BBX: variants seen among roughly 807,000 people sequenced by gnomAD.
The protein encoded by BBX is HMG box transcription factor BBX.
A neutral mutation model predicts 100.2 loss-of-function variants in BBX; 30 were observed. The ratio of observed to expected loss-of-function variants is 0.30; its 90% CI spans 0.22 to 0.41. The LOEUF is 0.41. Among genes scored for constraint, BBX ranks in the 10% least tolerant of loss-of-function variants. The pLI is 1.00. For synonymous variants in BBX, 376 were observed against 388.1 expected (o/e 0.97, Z 0.37); for missense variants, 1,023 against 1,129.8 (o/e 0.91, Z 1.35).
Position 107,664,214 on chromosome 3 carries a change from A to C in BBX, c.-10+18305A>C, listed in dbSNP as rs1370329155. Among the ~76,000 whole-genome samples the C allele has an allele frequency of 2.0e-5, 3 of 152,146 alleles. No homozygotes were observed. The South Asian group carries it at 6.2e-4, about 32-fold the overall frequency. On this transcript the variant is annotated intron_variant, in intron 3 of 17. Transcript: ENST00000325805. Reference sequence around the variant, plus strand: ...CTCTTTATGTACATATTACTTCTTCAGGATATATGTTCAGGAGTTGAATTG... The same window carrying C: ...CTCTTTATGTACATATTACTTCTTCCGGATATATGTTCAGGAGTTGAATTG...
At chr3:107,696,326 T>C (rs11707625) in intron 3 of BBX, among the ~76,000 whole-genome samples, 36,141 of 151,662 alleles carry the variant, frequency 0.24, 5,240 homozygotes, top group Non-Finnish European at 0.32. Context: ...GATTTTGCAG[T>C]GGCTGGTACC....
At chr3:107,533,392 A>C (rs887127024) in intron 2 of BBX, among the ~76,000 whole-genome samples, 2 of 152,220 alleles carry the variant, frequency 1.3e-5, no homozygotes, top group Admixed American at 6.5e-5. Flanking sequence ...CCAGCTAACA[A>C]ATGATGAAAG....
chr3:107,753,809 C>T (rs949203994), intron 9 of BBX, among the ~76,000 whole-genome samples: 8 of 152,206 alleles, frequency 5.3e-5, no homozygotes, highest in African/African-American at 1.7e-4. Flanking sequence ...GATTATGTGA[C>T]AAATTTAGTG....
chr3:107,691,889 A>T (rs1338885184), intron 3 of BBX, among the ~76,000 whole-genome samples: 1 of 152,186 alleles, frequency 6.6e-6, no homozygotes, highest in Non-Finnish European at 1.5e-5. Context: ...ACACTATACT[A>T]CTTAAAATAA....
chr3:107,622,295 A>C (rs189884546), intron 2 of BBX, among the ~76,000 whole-genome samples: 267 of 152,284 alleles, frequency 1.8e-3, no homozygotes, highest in African/African-American at 6.1e-3. Flanking sequence ...TGTGCTTATC[A>C]GTAGTTCGTT....
intron 2 of BBX, among the ~76,000 whole-genome samples, chr3:107,533,154 G>A (rs941583849): frequency 2.6e-5 from 4 of 152,112 alleles, no homozygotes. Context: ...AGCTAGGAAT[G>A]TTATGTAATA....
At chr3:107,669,187 GATA>G (rs1261234973) in intron 3 of BBX, among the ~76,000 whole-genome samples, 4 of 152,232 alleles carry the variant, frequency 2.6e-5, no homozygotes, top group South Asian at 2.1e-4. Context: ...TATCATTTGA[GATA>G]ATAATAGAAT....
rs535853335 is a variant in BBX at position 107,614,431 on chromosome 3, A to C, written c.-83-31405A>C. ...TAGAAAGCTTCACCCCCACCCCCCCAAAAAAAATGGATGTCAAGTGACTAT... is the reference window on the plus strand; with the variant it reads ...TAGAAAGCTTCACCCCCACCCCCCCCAAAAAAATGGATGTCAAGTGACTAT... On this transcript the variant is annotated intron_variant, in intron 2 of 17. Coordinates refer to ENST00000325805, the MANE Select transcript of BBX (RefSeq NM_001142568.3). Among the ~76,000 whole-genome samples the C allele has an allele frequency of 1.6e-3, 234 of 149,234 alleles. 1 individual carries two copies. Among genetic ancestry groups the C allele is most frequent in the African/African-American group, 3.5e-3 (144 of 40,806 alleles).
intron 10 of BBX, among the ~76,000 whole-genome samples, chr3:107,767,984 CA>C (rs1442184556): frequency 6.6e-6 from 1 of 152,184 alleles, no homozygotes; most frequent in Non-Finnish European, 1.5e-5. Context: ...CAGTGCTCTC[CA>C]GATAAGTGCC....
At chr3:107,578,083 C>T (rs1276154682) in intron 2 of BBX, among the ~76,000 whole-genome samples, 1 of 152,200 alleles carries the variant, frequency 6.6e-6, no homozygotes, top group Non-Finnish European at 1.5e-5. Flanking sequence ...GGTTCTCCTA[C>T]CTAAGCAATT....
intron 15 of BBX, among the ~76,000 whole-genome samples, chr3:107,797,890 A>G (rs768390054): frequency 7.9e-5 from 12 of 152,210 alleles, no homozygotes; most frequent in Non-Finnish European, 1.8e-4. Context: ...ACTTCATTAA[A>G]TTATCTCACT....
intron 3 of BBX, among the ~76,000 whole-genome samples, chr3:107,679,547 A>G (rs2059465779): frequency 6.6e-6 from 1 of 152,194 alleles, no homozygotes; most frequent in Non-Finnish European, 1.5e-5. Flanking sequence ...ACAAAGATAA[A>G]TAAAATATCA....
In BBX at chr3:107,573,295, C is replaced by CA. The variant is rs576492063; in HGVS notation, c.-84+46898dup. ...TGTTTGTTGGCTGGGTGCGGTGGCT[C>CA]ACGTCTGTAATCCCAGCACTTTGGG... On this transcript the variant is annotated intron_variant, in intron 2 of 17. Transcript: ENST00000325805. 6.4e-4 allele frequency among the ~76,000 whole-genome samples: 98 copies of CA among 152,226 alleles called. 2 individuals carry two copies. In the East Asian group the frequency reaches 0.014, roughly 22 times the overall value.
chr3:107,801,244 G>A lies in BBX; in HGVS notation c.2701G>A (p.Ala901Thr), dbSNP rs757640848. ...PAVSAFFSLA[A>T]LAEVAAMENV... ...CGTGTCTGCGTTCTTTAGCCTCGCT[G>A]CGCTGGCTGAAGTGGCAGCCATGGA... is the stretch of plus-strand genomic sequence containing the variant. The change falls in exon 17 of 18, where the codon GCG becomes ACG. Residue 901 changes from alanine (A) to threonine (T), a missense_variant. Transcript: ENST00000325805. 1 of 1,614,174 alleles carries A rather than the reference G, an allele frequency of 6.2e-7. No individual in the cohort carries two copies. Among genetic ancestry groups the A allele is most frequent in the Non-Finnish European group, 8.5e-7 (1 of 1,180,012 alleles).
Position 107,697,337 on chromosome 3 carries a change from T to G in BBX, c.-9-13115T>G, listed in dbSNP as rs2108146374. Among the ~76,000 whole-genome samples the G allele has an allele frequency of 1.3e-5, 2 of 152,008 alleles. 1 individual carries two copies. The highest frequency in any genetic ancestry group is 4.8e-5 in the African/African-American group (2 of 41,272). On this transcript the variant is annotated intron_variant, in intron 3 of 17. Coordinates refer to ENST00000325805, the MANE Select transcript of BBX (RefSeq NM_001142568.3). ...TCCCCATCTTTGTGGTTTTATCTAC[T>G]TTTGGTCTTTGATGATGGTGATGTA...
At chr3:107,804,406 TA>T (rs758815428) in intron 17 of BBX, among the ~76,000 whole-genome samples, 2 of 152,236 alleles carry the variant, frequency 1.3e-5, no homozygotes, top group Non-Finnish European at 2.9e-5. Flanking sequence ...CAGACCATTG[TA>T]GGTTACAGAG....
chr3:107,760,452 T>G lies in BBX; in HGVS notation c.906+4774T>G, dbSNP rs534194420. Among the ~76,000 whole-genome samples the G allele has an allele frequency of 1.1e-4, 16 of 152,346 alleles. No individual in the cohort carries two copies. The South Asian group carries it at 3.3e-3, about 32-fold the overall frequency. Reference sequence around the variant, plus strand: ...TTAAATAAGTGCTTGTTTGTGAATGTGCTTTGGAAGATACTGTGGGGATTG... The same window carrying G: ...TTAAATAAGTGCTTGTTTGTGAATGGGCTTTGGAAGATACTGTGGGGATTG... On this transcript the variant is annotated intron_variant, in intron 10 of 17. Coordinates refer to ENST00000325805, the MANE Select transcript of BBX (RefSeq NM_001142568.3).
intron 10 of BBX, among the ~76,000 whole-genome samples, chr3:107,769,169 CATAGATAGATAGATAGATAG>C (rs61134656): frequency 0.046 from 6,136 of 132,434 alleles, 200 homozygotes; most frequent in Middle Eastern, 0.083. Flanking sequence ...CTCTATCATT[CATAGATAGATAGATAGATAG>C]ATAGATAGAT....
chr3:107,558,752 G>A (rs1466409291), intron 2 of BBX, among the ~76,000 whole-genome samples: 2 of 152,136 alleles, frequency 1.3e-5, no homozygotes, highest in African/African-American at 4.8e-5. Flanking sequence ...AAGTTCCACA[G>A]CTAGTAGTGG....
Sources: gnomAD v4.1 joint callset for allele counts (sites outside exome capture counted in the v4.1 genomes callset) on GRCh38, gnomAD v4.1.1 for gene constraint, MANE v1.5 for transcripts, NCBI Gene and HGNC (gene_info 2026-07-23, HGNC 2026-07-21) for gene names.